HIVEP1: variants seen among roughly 807,000 people sequenced by gnomAD.
HIVEP1 encodes the protein zinc finger protein 40.
A neutral mutation model predicts 180.0 loss-of-function variants in HIVEP1; 36 were observed. The observed-to-expected ratio is 0.20, with a 90% CI of 0.15 to 0.26. The LOEUF (loss-of-function observed/expected upper bound fraction) is 0.26, where lower values mean the gene tolerates loss of function less well. Among genes scored for constraint, HIVEP1 ranks in the 10% least tolerant of loss-of-function variants. HIVEP1 has a pLI of 1.00. For synonymous variants in HIVEP1, 1,239 were observed against 1,239.0 expected (o/e 1.00, Z 0.00); for missense variants, 3,143 against 3,268.7 (o/e 0.96, Z 0.94).
At chr6:12,171,069 A>T in the HIVEP1 span, among the ~76,000 whole-genome samples, 1 of 152,222 alleles carries the variant, frequency 6.6e-6, no homozygotes. Flanking sequence ...TTTAACAAGA[A>T]AGCAAAAGCC....
At chr6:12,035,867 A>T (rs1480409080) in intron 2 of HIVEP1, among the ~76,000 whole-genome samples, 2 of 152,232 alleles carry the variant, frequency 1.3e-5, no homozygotes, top group Non-Finnish European at 2.9e-5. Context: ...CAGATAGAAA[A>T]ATATAAACTG....
intron 2 of HIVEP1, chr6:12,020,470 A>G (rs1768112361): frequency 2.1e-6 from 1 of 470,696 alleles, no homozygotes; most frequent in African/African-American, 2.0e-5. Context: ...TTCCTTACTC[A>G]TCGCTGCTCT....
chr6:12,015,193 TG>T (rs138584150), intron 1 of HIVEP1, among the ~76,000 whole-genome samples: 105 of 152,352 alleles, frequency 6.9e-4, no homozygotes, highest in African/African-American at 2.4e-3. Context: ...CCCCTATGAA[TG>T]GGCAGATTTA....
the HIVEP1 span, among the ~76,000 whole-genome samples, chr6:12,190,888 A>G: frequency 1.3e-5 from 2 of 152,242 alleles, no homozygotes; most frequent in Non-Finnish European, 2.9e-5. Flanking sequence ...ACAAGTTAGC[A>G]GGAATAAATG....
At chr6:12,181,649 G>A in the HIVEP1 span, among the ~76,000 whole-genome samples, 3 of 152,110 alleles carry the variant, frequency 2.0e-5, no homozygotes, top group East Asian at 1.9e-4. Context: ...AAAAGTATTC[G>A]GAGACTTTGA....
At chr6:12,012,976 G>A (rs180910332) in intron 1 of HIVEP1, among the ~76,000 whole-genome samples, 2,777 of 152,036 alleles carry the variant, frequency 0.018, 40 homozygotes, top group South Asian at 0.038. Flanking sequence ...TCCGGGTTGG[G>A]AGTGCGCGCC....
At chr6:12,054,499 A>G (rs1770736838) in intron 2 of HIVEP1, among the ~76,000 whole-genome samples, 1 of 152,220 alleles carries the variant, frequency 6.6e-6, no homozygotes, top group Admixed American at 6.5e-5. Context: ...ATATGAATAT[A>G]TAACTACACA....
At chr6:12,152,571 C>T (rs1562005192) in intron 7 of HIVEP1, among the ~76,000 whole-genome samples, 1 of 152,172 alleles carries the variant, frequency 6.6e-6, no homozygotes, top group Non-Finnish European at 1.5e-5. Context: ...TTTATCTTTT[C>T]TCTGTTACCC....
At chr6:12,051,489 A>G (rs953649022) in intron 2 of HIVEP1, among the ~76,000 whole-genome samples, 3 of 152,156 alleles carry the variant, frequency 2.0e-5, no homozygotes, top group Non-Finnish European at 4.4e-5. Context: ...ATTTAAGAAT[A>G]TTATGTTTTA....
At chr6:12,070,726 C>G (rs1353167113) in intron 2 of HIVEP1, among the ~76,000 whole-genome samples, 1 of 152,156 alleles carries the variant, frequency 6.6e-6, no homozygotes, top group Non-Finnish European at 1.5e-5. Context: ...AAAGTTAAAG[C>G]TCTACCAGTA....
downstream of HIVEP1, among the ~76,000 whole-genome samples, chr6:12,167,893 C>T (rs1225001381): frequency 7.4e-6 from 1 of 135,786 alleles, no homozygotes; most frequent in Non-Finnish European, 1.6e-5. Flanking sequence ...TATAGATGTG[C>T]GTATATAATA....
At position 12,121,164 on chromosome 6, in the gene HIVEP1, G is replaced by A. The variant is rs747228633; in HGVS notation, c.1369G>A (p.Ala457Thr). The A allele has an allele frequency of 1.7e-5, 28 of 1,613,934 alleles. No individual in the cohort carries two copies. In the Middle Eastern group the frequency reaches 1.3e-3, roughly 76 times the overall value. Residue 457 changes from alanine (A) to threonine (T), a missense_variant, in exon 4 of 9, where the codon GCA (alanine) becomes ACA (threonine). Ala to Thr is a moderately conservative substitution (Grantham distance 58). Transcript: ENST00000379388. The surrounding 1 kb of genome is among the most constrained non-coding windows in gnomAD (Gnocchi z 5.3). ...SNLYKHKKSH[A>T]HTIKLGLVLQ... ...TCTGTATAAGCACAAGAAATCCCAC[G>A]CACATACTATCAAACTGGGTCTTGT...
chr6:12,201,722 T>C, the HIVEP1 span, among the ~76,000 whole-genome samples: 12 of 152,248 alleles, frequency 7.9e-5, no homozygotes, highest in Non-Finnish European at 1.8e-4. Flanking sequence ...TTCATCGTAT[T>C]TTGTTTTCAT....
intron 3 of HIVEP1, among the ~76,000 whole-genome samples, chr6:12,102,897 TG>T (rs1468861759): frequency 5.9e-5 from 9 of 152,224 alleles, no homozygotes; most frequent in South Asian, 2.1e-4. Context: ...AAAATGATTT[TG>T]TTTTTTTATG....
At chr6:12,132,572 G>A (rs947664994) in intron 6 of HIVEP1, among the ~76,000 whole-genome samples, 3 of 152,146 alleles carry the variant, frequency 2.0e-5, no homozygotes, top group Admixed American at 2.0e-4. Flanking sequence ...ATTAATCTTA[G>A]TGAAATTAAC....
Position 12,124,469 on chromosome 6 carries a change from C to G in HIVEP1, c.4674C>G (p.Pro1558=), listed in dbSNP as rs1438645263. The part of the protein sequence containing the change: ...GSSKSEDCFA[P]KYQLHCQVFT... ...CTAAAAGTGAGGATTGCTTTGCTCC[C>G]AAATACCAATTGCATTGTCAGGTTT... is the stretch of plus-strand genomic sequence containing the variant. The change falls in exon 4 of 9, where the codon CCC becomes CCG. Residue 1558 remains proline (P), a synonymous_variant. Coordinates refer to ENST00000379388, the MANE Select transcript of HIVEP1 (RefSeq NM_002114.4). 1 of 1,614,022 alleles carries G rather than the reference C, an allele frequency of 6.2e-7. No homozygotes were observed. The highest frequency in any genetic ancestry group is 8.5e-7 in the Non-Finnish European group (1 of 1,180,016).
upstream of HIVEP1, among the ~76,000 whole-genome samples, chr6:12,010,202 T>G (rs904239899): frequency 6.6e-6 from 1 of 152,224 alleles, no homozygotes; most frequent in Non-Finnish European, 1.5e-5. Context: ...AAATAAAAAT[T>G]GCATTATTTC....
intron 2 of HIVEP1, among the ~76,000 whole-genome samples, chr6:12,023,140 C>T (rs964918656): frequency 3.3e-5 from 5 of 152,162 alleles, no homozygotes; most frequent in African/African-American, 9.7e-5. Flanking sequence ...TCCCCTCCTC[C>T]GCTTCTGTGT....
chr6:12,181,468 T>A, the HIVEP1 span, among the ~76,000 whole-genome samples: 2 of 152,088 alleles, frequency 1.3e-5, no homozygotes, highest in African/African-American at 4.8e-5. Flanking sequence ...TGGAGTGCAG[T>A]GACACAATCA....
Sources: gnomAD v4.1 joint callset for allele counts (sites outside exome capture counted in the v4.1 genomes callset) on GRCh38, gnomAD v4.1.1 for gene constraint, Gnocchi (gnomAD v3.1) non-coding constraint, MANE v1.5 for transcripts, NCBI Gene and HGNC (gene_info 2026-07-23, HGNC 2026-07-21) for gene names.